Variants in SBF1 observed in about 807,000 individuals in gnomAD.
The protein encoded by SBF1 is myotubularin-related protein 5.
Under a neutral mutation model 215.8 loss-of-function variants are expected in SBF1, and 65 were observed. The ratio of observed to expected loss-of-function variants is 0.30; its 90% confidence interval spans 0.25 to 0.37. SBF1 has a LOEUF of 0.37. Ranked by LOEUF, SBF1 falls within the 10% of genes least tolerant of loss-of-function variation. The probability of loss-of-function intolerance (pLI) is 1.00; values close to 1 mark genes in which losing one functional copy is unlikely to be tolerated. For synonymous variants in SBF1, 1,410 were observed against 1,122.8 expected (o/e 1.26, Z -5.11); for missense variants, 2,634 against 2,667.8 (o/e 0.99, Z 0.28).
intron 17 of SBF1, 64 bp from the exon 18 acceptor site, chr22:50,462,781 T>A (rs2067575595): frequency 6.2e-7 from 1 of 1,608,236 alleles, no homozygotes; most frequent in African/African-American, 1.3e-5. Context: ...GAAGGAGACC[T>A]CGGCCACCAG....
chr22:50,452,034 T>C (rs2067066493), intron 36 of SBF1, among the ~76,000 whole-genome samples: 1 of 151,740 alleles, frequency 6.6e-6, no homozygotes, highest in African/African-American at 2.4e-5. Flanking sequence ...GACCTCAGGT[T>C]ATCCACCTGC....
intron 28 of SBF1, 114 bp downstream of exon 28, chr22:50,459,141 A>ACATC: frequency 7.1e-7 from 1 of 1,416,308 alleles, no homozygotes; most frequent in East Asian, 2.5e-5. Context: ...CCACACCCAA[A>ACATC]CATCCATGAC....
chr22:50,456,375 C>T lies in SBF1; in HGVS notation c.4107G>A (p.Leu1369=), dbSNP rs1235617011. 1.9e-6 allele frequency: 3 copies of T among 1,613,002 alleles called. No individual in the cohort carries two copies. The highest frequency in any genetic ancestry group is 1.7e-5 in the Admixed American group (1 of 60,026). Residue 1369 remains leucine, a synonymous_variant, in exon 31 of 41, where the codon CTG becomes CTA. Coordinates refer to ENST00000380817, the MANE Select transcript of SBF1 (RefSeq NM_002972.4). ...AQLKGVRSDP[L]QQWELVPIEV... is the part of the protein sequence containing the mutation. The stretch of plus-strand genomic sequence containing the variant: ...CAATGGGCACCAGCTCCCACTGCTG[C>T]AGGGGGTCTGACCGCACACCCTGAA...
At chr22:50,474,675 G>T in intron 1 of SBF1, 111 bp downstream of exon 1, 1 of 662,752 alleles carries the variant, frequency 1.5e-6, no homozygotes, top group Non-Finnish European at 2.1e-6. Flanking sequence ...TCCCGACCCA[G>T]CCCCCAGCCC....
chr22:50,460,728 C>G lies in SBF1; in HGVS notation c.2968-16G>C. ...TTTTCAGCAGCTGTGTCAGTAAAAG[C>G]AGCCCTTAGGGGTGTGGGTGGCCCC... On this transcript the variant is annotated splice_polypyrimidine_tract_variant and intron_variant, in intron 23 of 40. Coordinates refer to ENST00000380817, the MANE Select transcript of SBF1 (RefSeq NM_002972.4). 1 of 1,610,938 alleles carries G rather than the reference C, an allele frequency of 6.2e-7. No individual in the cohort carries two copies. Among genetic ancestry groups the G allele is most frequent in the Non-Finnish European group, 8.5e-7 (1 of 1,179,318 alleles).
At chr22:50,464,016 A>G (rs1263841908) in intron 15 of SBF1, among the ~76,000 whole-genome samples, 1 of 152,222 alleles carries the variant, frequency 6.6e-6, no homozygotes, top group East Asian at 1.9e-4. Flanking sequence ...AGTACAAAGA[A>G]CAGGTCGTGT....
intron 25 of SBF1, 26 bp downstream of exon 25, chr22:50,460,246 C>A (rs773534763): frequency 3.1e-6 from 5 of 1,601,488 alleles, no homozygotes; most frequent in Non-Finnish European, 4.3e-6. Context: ...CAGAGACCAC[C>A]CAGGACTCCA....
chr22:50,463,250 G>C, intron 16 of SBF1, 33 bp downstream of exon 16: 1 of 1,611,770 alleles, frequency 6.2e-7, no homozygotes, highest in Non-Finnish European at 8.5e-7. Flanking sequence ...CATGCGCCAT[G>C]AGCCATGTCA....
intron 1 of SBF1, among the ~76,000 whole-genome samples, chr22:50,469,532 G>A (rs1363441284): frequency 6.6e-6 from 1 of 152,222 alleles, no homozygotes; most frequent in African/African-American, 2.4e-5. Flanking sequence ...GCAGCAGGAC[G>A]GCTCCGCAGG....
At position 50,462,330 on chromosome 22, in the gene SBF1, G is replaced by A. The variant is rs746561653; in HGVS notation, c.2271C>T (p.Ala757=). ...QKEESTVFSQ[A]IHYANRMSYL... ...AGCTCATGCGGTTGGCATAGTGGAT[G>A]GCCTGGCTGAACACCGTGCTCTCCT... is the stretch of plus-strand genomic sequence containing the variant. The change falls in exon 19 of 41, where the codon GCC becomes GCT. Residue 757 remains alanine (A), a synonymous_variant. Transcript: ENST00000380817. The A allele has an allele frequency of 6.2e-7, 1 of 1,614,106 alleles. No individual in the cohort carries two copies. The highest frequency in any genetic ancestry group is 8.5e-7 in the Non-Finnish European group (1 of 1,180,024).
intron 1 of SBF1, among the ~76,000 whole-genome samples, chr22:50,470,138 C>T (rs2067945206): frequency 1.3e-5 from 2 of 151,982 alleles, no homozygotes; most frequent in Admixed American, 1.3e-4. Flanking sequence ...CCCCACCCCG[C>T]CCACTCCCCC....
chr22:50,464,923 G>A lies in SBF1; in HGVS notation c.1333-6C>T, dbSNP rs781476014. 113 of 1,613,610 alleles carry A rather than the reference G, an allele frequency of 7.0e-5. No individual in the cohort carries two copies. The highest frequency in any genetic ancestry group is 8.4e-5 in the Non-Finnish European group (99 of 1,180,004). ...GCCACCTCGTGGGCCACCAGCTAGCGGGGTAAGCAGGAGGTTAGGTAAGCC... is the reference window on the plus strand; with the variant it reads ...GCCACCTCGTGGGCCACCAGCTAGCAGGGTAAGCAGGAGGTTAGGTAAGCC... On this transcript the variant is annotated splice_region_variant and splice_polypyrimidine_tract_variant and intron_variant, in intron 12 of 40. Coordinates refer to ENST00000380817, the MANE Select transcript of SBF1 (RefSeq NM_002972.4).
intron 24 of SBF1, 28 bp from the exon 25 acceptor site, chr22:50,460,436 G>T (rs2067456929): frequency 1.9e-6 from 3 of 1,602,754 alleles, no homozygotes. Context: ...CAGCAAAGGT[G>T]AGAGGAGGAG....
Position 50,467,881 on chromosome 22 carries a change from G to C in SBF1, c.184C>G (p.Pro62Ala), listed in dbSNP as rs539252694. ...AGGACAGCAACAAAGAAGGTCGGTG[G>C]ATTCCTCTCGGGACACAGCTGCCAC... ...SGWQLCPERN[P>A]PTFFVAVLTD... is the part of the protein sequence containing the mutation. The change falls in exon 3 of 41, where the codon CCA (proline) becomes GCA (alanine). Residue 62 changes from proline to alanine, a missense_variant. Coordinates refer to ENST00000380817, the MANE Select transcript of SBF1 (RefSeq NM_002972.4). 10 of 1,614,034 alleles carry C rather than the reference G, an allele frequency of 6.2e-6. No individual in the cohort carries two copies. Among genetic ancestry groups the C allele is most frequent in the Non-Finnish European group, 3.4e-6 (4 of 1,179,980 alleles).
In SBF1 at chr22:50,455,489, T is replaced by C; in HGVS notation, c.4360A>G (p.Thr1454Ala). 6.2e-7 allele frequency: 1 copy of C among 1,609,656 alleles called. No individual in the cohort carries two copies. Among genetic ancestry groups the C allele is most frequent in the Non-Finnish European group, 8.5e-7 (1 of 1,178,352 alleles). ...CCCCACGCGCCACACACCTGGGTGG[T>C]GATGTCCCAGCCATCCTCCAGGCCC... ...LVGLEDGWDI[T>A]TQVVSLVQLL... is the part of the protein sequence containing the mutation. The change falls in exon 32 of 41, where the codon ACC (threonine) becomes GCC (alanine). Residue 1454 changes from threonine to alanine, a missense_variant. Physicochemically the swap from Thr to Ala is moderately conservative, Grantham distance 58. Transcript: ENST00000380817.
In SBF1 at chr22:50,445,495, G is replaced by C. The variant is rs1437300255; in HGVS notation, c.*1647C>G. On this transcript the variant is annotated 3_prime_UTR_variant, in exon 41 of 41. Transcript: ENST00000380817. ...ACCCGCTCAGCTCCCCAGAGGCCGA[G>C]TCTCTGCCCCAGCTACACATTGAGT... The C allele has an allele frequency of 1.3e-5, 2 of 152,266 alleles. No individual in the cohort carries two copies. The highest frequency in any genetic ancestry group is 2.9e-5 in the Non-Finnish European group (2 of 68,102). 9.4% of individuals were successfully genotyped at this position (152,266 alleles called of 1,614,324 possible).
intron 36 of SBF1, among the ~76,000 whole-genome samples, chr22:50,448,866 A>G (rs1298824904): frequency 6.6e-6 from 1 of 152,200 alleles, no homozygotes; most frequent in Non-Finnish European, 1.5e-5. Context: ...CAGAGGCATC[A>G]AACAACATAA....
chr22:50,458,763 G>A (rs529564251), intron 28 of SBF1, among the ~76,000 whole-genome samples: 3 of 152,144 alleles, frequency 2.0e-5, no homozygotes, highest in Non-Finnish European at 4.4e-5. Flanking sequence ...AAGGCCCAAG[G>A]AACCAGGACA....
At chr22:50,474,728 T>C (rs982707643) in intron 1 of SBF1, 58 bp downstream of exon 1, 5 of 1,177,824 alleles carry the variant, frequency 4.2e-6, no homozygotes, top group Non-Finnish European at 5.7e-6. Flanking sequence ...ACCCAGCCCC[T>C]GGCCCTCAGC....
Sources: allele counts gnomAD v4.1 joint callset (sites outside exome capture counted in the v4.1 genomes callset), GRCh38; gene constraint gnomAD v4.1.1; transcripts MANE v1.5; gene names NCBI Gene and HGNC (gene_info 2026-07-23, HGNC 2026-07-21).